The following UBAC1 variants were observed in gnomAD, a reference collection of about 807,000 sequenced individuals.
UBAC1 encodes ubiquitin-associated domain-containing protein 1.
A neutral mutation model predicts 45.9 loss-of-function variants in UBAC1; 27 were observed. The observed-to-expected ratio is 0.59, with a 90% confidence interval of 0.43 to 0.81. The LOEUF (loss-of-function observed/expected upper bound fraction) is 0.81. Among genes scored for constraint, UBAC1 ranks in the 30% least tolerant of loss-of-function variants. The pLI, the probability that UBAC1 is intolerant of heterozygous loss-of-function variation, is 0.00. For synonymous variants in UBAC1, 227 were observed against 215.5 expected, an observed-to-expected ratio of 1.05 and a Z score of -0.47; for missense variants, 529 against 539.2, an observed-to-expected ratio of 0.98 and a Z score of 0.19.
At chr9:135,946,535 G>A (rs1174828379) in intron 4 of UBAC1, among the ~76,000 whole-genome samples, 164 bp from the exon 5 acceptor site, 1 of 152,208 alleles carries the variant, frequency 6.6e-6, no homozygotes, top group Non-Finnish European at 1.5e-5. Context: ...GGATTGGCAG[G>A]GCCAAGAGCC....
rs1013242088 is a variant in UBAC1 at position 135,945,749 on chromosome 9, T to C, written c.653+140A>G. The C allele has an allele frequency of 1.9e-5, 12 of 644,744 alleles. No individual in the cohort carries two copies. In the East Asian group the frequency reaches 3.3e-4, roughly 18 times the overall value. The allele number at this position is 644,744 out of a possible 1,614,324, so 39.9% of individuals were successfully genotyped here. On this transcript the variant is annotated intron_variant, in intron 6 of 9. Transcript: ENST00000371756. ...CAAAAACACTTTGGAGGCACATATTTAAGGTACCTCTTCAAAACCCCACGT... is the reference window on the plus strand; with the variant it reads ...CAAAAACACTTTGGAGGCACATATTCAAGGTACCTCTTCAAAACCCCACGT...
chr9:135,960,983 C>G, intron 1 of UBAC1, 42 bp downstream of exon 1: 2 of 1,465,200 alleles, frequency 1.4e-6, no homozygotes, highest in East Asian at 2.9e-5. Flanking sequence ...TCGGAGGGGT[C>G]CGGAGCGGGT....
chr9:135,958,604 A>T (rs1222255669), intron 1 of UBAC1, among the ~76,000 whole-genome samples: 1 of 152,238 alleles, frequency 6.6e-6, no homozygotes, highest in Non-Finnish European at 1.5e-5. Context: ...GGAAAAAATC[A>T]TGCCGGCGTC....
intron 7 of UBAC1, among the ~76,000 whole-genome samples, chr9:135,944,334 G>A (rs577929305): frequency 2.6e-5 from 4 of 152,130 alleles, no homozygotes; most frequent in African/African-American, 9.7e-5. Context: ...CACGAGCTCC[G>A]CAGGTGAGGC....
intron 1 of UBAC1, among the ~76,000 whole-genome samples, chr9:135,955,743 A>T (rs1290014968): frequency 5.9e-5 from 9 of 152,186 alleles, no homozygotes; most frequent in Admixed American, 4.6e-4. Context: ...AAAACAGCAG[A>T]TCCATTGTTT....
At chr9:135,953,605 A>G in intron 3 of UBAC1, 75 bp downstream of exon 3, 1 of 1,323,338 alleles carries the variant, frequency 7.6e-7, no homozygotes, top group Non-Finnish European at 1.1e-6. Flanking sequence ...GGCGCGAGCC[A>G]CTGTACCCAG....
chr9:135,941,181 G>A lies in UBAC1; in HGVS notation c.877-1422C>T, dbSNP rs185639208. 1.1e-4 allele frequency among the ~76,000 whole-genome samples: 17 copies of A among 152,270 alleles called. No individual in the cohort carries two copies. The East Asian group carries it at 2.9e-3, about 26-fold the overall frequency. On this transcript the variant is annotated intron_variant, in intron 7 of 9. Coordinates refer to ENST00000371756, the MANE Select transcript of UBAC1 (RefSeq NM_016172.3). ...AGCACTTTGGGAGGCCGGGGTGGGA[G>A]GATCACTTGAGGTCAGGAGTTTGAG...
intron 3 of UBAC1, among the ~76,000 whole-genome samples, chr9:135,952,819 A>T (rs1839422350): frequency 1.3e-5 from 2 of 152,230 alleles, no homozygotes; most frequent in African/African-American, 2.4e-5. Flanking sequence ...CACTTCCATT[A>T]AGTGTCATTT....
At chr9:135,956,137 C>T (rs1287032026) in intron 1 of UBAC1, among the ~76,000 whole-genome samples, 1 of 152,166 alleles carries the variant, frequency 6.6e-6, no homozygotes, top group Non-Finnish European at 1.5e-5. Context: ...TGAGGGGATC[C>T]CCTTCACACA....
intron 1 of UBAC1, among the ~76,000 whole-genome samples, chr9:135,958,406 C>T (rs957940540): frequency 2.4e-4 from 36 of 152,192 alleles, no homozygotes; most frequent in Non-Finnish European, 4.3e-4. Context: ...CCTCTGCCCC[C>T]TTCTCCACTC....
chr9:135,949,014 C>T (rs1295436645), intron 3 of UBAC1, among the ~76,000 whole-genome samples: 1 of 150,570 alleles, frequency 6.6e-6, no homozygotes, highest in African/African-American at 2.4e-5. Context: ...GCTGAGATCA[C>T]ACCACCGCAC....
intron 4 of UBAC1, among the ~76,000 whole-genome samples, chr9:135,947,301 G>T (rs1414173313): frequency 1.3e-5 from 2 of 152,042 alleles, no homozygotes; most frequent in Non-Finnish European, 2.9e-5. Flanking sequence ...GCCGAGGCTG[G>T]AGTACGATGA....
chr9:135,954,509 CATG>C (rs1839443588), intron 2 of UBAC1, among the ~76,000 whole-genome samples: 2 of 152,222 alleles, frequency 1.3e-5, no homozygotes, highest in South Asian at 4.1e-4. Context: ...CTCACTTTTG[CATG>C]ATATCTGCAT....
At position 135,933,428 on chromosome 9, in the gene UBAC1, C is replaced by T. The variant is rs1254265671; in HGVS notation, c.1190G>A (p.Arg397Lys). The change falls in exon 10 of 10, where the codon AGA becomes AAA. Residue 397 changes from arginine to lysine, a missense_variant. Coordinates refer to ENST00000371756, the MANE Select transcript of UBAC1 (RefSeq NM_016172.3). ...ETGPVMLQIS[R>K]IFQTLNRT ...CGTGCGATTTAGTGTCTGGAAGATT[C>T]TAGAGATCTGCAGCATGACAGGCCC... The T allele has an allele frequency of 1.2e-6, 2 of 1,614,158 alleles. No individual in the cohort carries two copies. The highest frequency in any genetic ancestry group is 3.3e-5 in the Admixed American group (2 of 60,026).
chr9:135,939,045 A>AAAACTAATTAGCCGGGCAT (rs1839234634), intron 8 of UBAC1, among the ~76,000 whole-genome samples: 1 of 152,026 alleles, frequency 6.6e-6, no homozygotes, highest in Non-Finnish European at 1.5e-5. Context: ...TTGTCTCTAA[A>AAAACTAATTAGCCGGGCAT]AAACTAATTA....
rs1034143859 is a variant in UBAC1 at position 135,938,252 on chromosome 9, G to A, written c.1072C>T (p.Leu358=). The change falls in exon 9 of 10, where the codon CTG becomes TTG. Residue 358 remains leucine (L), a synonymous_variant. Transcript: ENST00000371756. ...QAILDNPVVQ[L]GLTNPKTLLA... is the part of the protein sequence containing the mutation. The stretch of plus-strand genomic sequence containing the variant: ...AATGTTTTCGGGTTGGTCAGGCCCA[G>A]CTGCACCACCGGGTTATCCAGGATG... 1 of 1,614,072 alleles carries A rather than the reference G, an allele frequency of 6.2e-7. No individual in the cohort carries two copies. Among genetic ancestry groups the A allele is most frequent in the Non-Finnish European group, 8.5e-7 (1 of 1,180,048 alleles).
At chr9:135,940,602 A>C (rs566622525) in intron 7 of UBAC1, among the ~76,000 whole-genome samples, 1 of 151,986 alleles carries the variant, frequency 6.6e-6, no homozygotes, top group Non-Finnish European at 1.5e-5. Context: ...AAAAAATCCT[A>C]AAACTAATTT....
chr9:135,953,565 G>T, intron 3 of UBAC1, 115 bp downstream of exon 3: 1 of 752,082 alleles, frequency 1.3e-6, no homozygotes. Flanking sequence ...TGATCCACCC[G>T]CCTCGGCCTC....
chr9:135,953,609 T>C (rs1839432269), intron 3 of UBAC1, 71 bp downstream of exon 3: 9 of 1,380,712 alleles, frequency 6.5e-6, no homozygotes, highest in Non-Finnish European at 9.1e-6. Flanking sequence ...CGAGCCACTG[T>C]ACCCAGCCTG....
Sources: gnomAD v4.1 joint callset for allele counts (sites outside exome capture counted in the v4.1 genomes callset) on GRCh38, gnomAD v4.1.1 for gene constraint, MANE v1.5 for transcripts, NCBI Gene and HGNC (gene_info 2026-07-23, HGNC 2026-07-21) for gene names.